PHF14: variants seen among roughly 807,000 people sequenced by gnomAD.
The protein encoded by PHF14 is PHD finger protein 14.
PHF14 carries 55 observed loss-of-function variants against 117.9 expected under a neutral mutation model. The observed-to-expected ratio is 0.47, with a 90% CI of 0.38 to 0.58. PHF14 has a LOEUF of 0.58. Ranked by LOEUF, PHF14 falls within the 20% of genes least tolerant of loss-of-function variation. The pLI, the probability that PHF14 is intolerant of heterozygous loss-of-function variation, is 0.00. For synonymous variants in PHF14, 409 were observed against 368.6 expected (o/e 1.11, Z -1.26); for missense variants, 978 against 1,122.2 (o/e 0.87, Z 1.84).
intron 7 of PHF14, among the ~76,000 whole-genome samples, chr7:11,034,539 ATTTTTTTTTT>A (rs56043099): frequency 3.5e-3 from 218 of 63,104 alleles, no homozygotes; most frequent in East Asian, 0.011. Context: ...TCTTAATTCT[ATTTTTTTTTT>A]TTTTTTTTTT....
At chr7:10,986,941 C>T (rs1583331227) in intron 3 of PHF14, among the ~76,000 whole-genome samples, 1 of 152,264 alleles carries the variant, frequency 6.6e-6, no homozygotes, top group Admixed American at 6.5e-5. Flanking sequence ...TTTTGGATTA[C>T]TGCTTTATAA....
At chr7:11,045,699 A>C (rs1035385122) in intron 13 of PHF14, among the ~76,000 whole-genome samples, 3 of 152,164 alleles carry the variant, frequency 2.0e-5, no homozygotes, top group African/African-American at 7.2e-5. Flanking sequence ...ATCAAAGAAA[A>C]GATGGATACA....
At chr7:11,144,087 A>G (rs1241530837) in intron 17 of PHF14, among the ~76,000 whole-genome samples, 1 of 152,156 alleles carries the variant, frequency 6.6e-6, no homozygotes, top group Non-Finnish European at 1.5e-5. Context: ...CTCAAAAGTC[A>G]TACAAGCAGT....
At chr7:11,120,941 T>A (rs1468990576) in intron 17 of PHF14, among the ~76,000 whole-genome samples, 1 of 152,160 alleles carries the variant, frequency 6.6e-6, no homozygotes, top group Non-Finnish European at 1.5e-5. Flanking sequence ...AAATTTTTCT[T>A]AGACTATAAA....
At chr7:10,995,280 C>T (rs1176128945) in intron 4 of PHF14, among the ~76,000 whole-genome samples, 1 of 151,988 alleles carries the variant, frequency 6.6e-6, no homozygotes, top group Non-Finnish European at 1.5e-5. Context: ...CTTAGCTAGA[C>T]ATAAAGGTTC....
intron 17 of PHF14, among the ~76,000 whole-genome samples, chr7:11,131,959 G>A (rs1239524738): frequency 6.6e-6 from 1 of 151,506 alleles, no homozygotes; most frequent in Non-Finnish European, 1.5e-5. Flanking sequence ...TTCTTGTTGG[G>A]TTTTTTTAAA....
At chr7:11,025,321 G>T (rs1431538634) in intron 6 of PHF14, among the ~76,000 whole-genome samples, 2 of 152,278 alleles carry the variant, frequency 1.3e-5, no homozygotes, top group Admixed American at 1.3e-4. Context: ...TACAACAAAA[G>T]ACTTAGGATA....
intron 3 of PHF14, among the ~76,000 whole-genome samples, chr7:10,987,954 T>C (rs888808320): frequency 2.4e-4 from 34 of 139,392 alleles, no homozygotes; most frequent in African/African-American, 9.2e-4. Flanking sequence ...AGGTGGAGGT[T>C]GCGGTGAGCC....
intron 5 of PHF14, 70 bp from the exon 6 acceptor site, chr7:11,022,798 T>C: frequency 1.3e-6 from 1 of 791,192 alleles, no homozygotes; most frequent in South Asian, 2.1e-5. Flanking sequence ...GCAAGCGTTT[T>C]ATATGTTTGT....
At chr7:10,978,029 C>T (rs1362303431) in intron 2 of PHF14, among the ~76,000 whole-genome samples, 2 of 152,094 alleles carry the variant, frequency 1.3e-5, no homozygotes, top group Non-Finnish European at 2.9e-5. Flanking sequence ...TACCCCTATC[C>T]CCCACCAGGC....
chr7:11,057,844 G>T (rs907957164), intron 14 of PHF14, among the ~76,000 whole-genome samples: 1 of 150,830 alleles, frequency 6.6e-6, no homozygotes, highest in African/African-American at 2.5e-5. Flanking sequence ...AGCAGCTCAG[G>T]TTGTAATTGT....
At chr7:11,144,186 T>C (rs1020613660) in intron 17 of PHF14, among the ~76,000 whole-genome samples, 3 of 152,038 alleles carry the variant, frequency 2.0e-5, no homozygotes, top group African/African-American at 7.2e-5. Flanking sequence ...CCAGTTAGAA[T>C]GGCCATAATC....
chr7:10,999,981 TG>T (rs1479941906), intron 4 of PHF14, among the ~76,000 whole-genome samples: 1 of 152,210 alleles, frequency 6.6e-6, no homozygotes, highest in Non-Finnish European at 1.5e-5. Context: ...GACCTATTTT[TG>T]TTACAGAGAA....
rs762926704 is a variant in PHF14, at chr7:11,013,745, A to T, written c.1046-2A>T. 2 of 1,500,730 alleles carry T rather than the reference A, an allele frequency of 1.3e-6. No individual in the cohort carries two copies. Among genetic ancestry groups the T allele is most frequent in the Admixed American group, 4.0e-5 (2 of 49,784 alleles). The allele number at this position is 1,500,730 out of a possible 1,614,324, so 93.0% of individuals were successfully genotyped here. ...TAATCATAGTGTTTTTGTTTTTTTTAGGTTGTTATGGAGTTGATGGAGAGA... is the reference window on the plus strand; with the variant it reads ...TAATCATAGTGTTTTTGTTTTTTTTTGGTTGTTATGGAGTTGATGGAGAGA... On this transcript the variant is annotated splice_acceptor_variant, in intron 4 of 17. Transcript: ENST00000634607. LOFTEE classifies it high-confidence loss of function.
At chr7:11,132,808 G>A (rs915508170) in intron 17 of PHF14, among the ~76,000 whole-genome samples, 5 of 151,840 alleles carry the variant, frequency 3.3e-5, no homozygotes, top group Admixed American at 2.6e-4. Flanking sequence ...TAATGAGTAT[G>A]AGATGGTATC....
At chr7:11,002,054 GT>G (rs559560529) in intron 4 of PHF14, among the ~76,000 whole-genome samples, 132 of 151,178 alleles carry the variant, frequency 8.7e-4, no homozygotes, top group Non-Finnish European at 1.5e-3. Flanking sequence ...TTTTTTACTT[GT>G]TTGTTTTGAG....
At chr7:11,069,222 C>T in intron 16 of PHF14, among the ~76,000 whole-genome samples, 1 of 152,176 alleles carries the variant, frequency 6.6e-6, no homozygotes, top group Admixed American at 6.5e-5. Context: ...CCAACCAGCA[C>T]CCCACACCAC....
chr7:11,035,956 A>C (rs1454693327), intron 8 of PHF14, among the ~76,000 whole-genome samples, 170 bp downstream of exon 8: 4 of 152,216 alleles, frequency 2.6e-5, no homozygotes, highest in Admixed American at 6.5e-5. Context: ...GGCTGAATAC[A>C]GTACTCCTCA....
chr7:10,994,324 A>G (rs529771074), intron 4 of PHF14, among the ~76,000 whole-genome samples: 6 of 152,294 alleles, frequency 3.9e-5, no homozygotes, highest in African/African-American at 1.4e-4. Flanking sequence ...CTGTAGTCCT[A>G]GTTACTCAGG....
Sources: allele counts gnomAD v4.1 joint callset (sites outside exome capture counted in the v4.1 genomes callset), GRCh38; gene constraint gnomAD v4.1.1; transcripts MANE v1.5; gene names NCBI Gene and HGNC (gene_info 2026-07-23, HGNC 2026-07-21).